The following GRIK4 variants were observed in gnomAD, a reference collection of about 807,000 sequenced individuals.
GRIK4 encodes the protein glutamate ionotropic receptor kainate type subunit 4.
In GRIK4, 40 loss-of-function variants were observed where a neutral mutation model predicts 104.9. The ratio of observed to expected loss-of-function variants is 0.38; its 90% CI spans 0.30 to 0.50. GRIK4 has a LOEUF of 0.50. Ranked by LOEUF, GRIK4 falls within the 20% of genes least tolerant of loss-of-function variation. GRIK4 has a pLI of 0.93. For missense variants in GRIK4, 1,047 were observed against 1,308.1 expected, an observed-to-expected ratio of 0.80 and a Z score of 3.08; for synonymous variants, 485 against 524.9, an observed-to-expected ratio of 0.92 and a Z score of 1.04.
chr11:120,974,338 A>G (rs1944526293), intron 19 of GRIK4, among the ~76,000 whole-genome samples: 1 of 152,182 alleles, frequency 6.6e-6, no homozygotes, highest in Admixed American at 6.5e-5. Flanking sequence ...TAGAATTTGA[A>G]TCAGTTGGCT....
intron 11 of GRIK4, among the ~76,000 whole-genome samples, chr11:120,895,824 T>G (rs764601713): frequency 6.6e-6 from 1 of 152,122 alleles, no homozygotes; most frequent in African/African-American, 2.4e-5. Context: ...ATCTAACACA[T>G]CAGGTGTCCA....
At chr11:120,564,202 C>T (rs1948277298) in intron 1 of GRIK4, among the ~76,000 whole-genome samples, 1 of 152,224 alleles carries the variant, frequency 6.6e-6, no homozygotes, top group Non-Finnish European at 1.5e-5. Context: ...TGGCAACTCG[C>T]CCCGCTCAGA....
In GRIK4 at chr11:120,940,662, G is replaced by A. The variant is rs1226203122; in HGVS notation, c.1590+202G>A. Among the ~76,000 whole-genome samples the A allele has an allele frequency of 6.6e-6, 1 of 152,198 alleles. No homozygotes were observed. The highest frequency in any genetic ancestry group is 1.5e-5 in the Non-Finnish European group (1 of 68,038). ...AAAAGTCATGCTTGTGGGCTTTCCAGTAAAAATTACTTCTGCCTCTCTGAA... is the reference window on the plus strand; with the variant it reads ...AAAAGTCATGCTTGTGGGCTTTCCAATAAAAATTACTTCTGCCTCTCTGAA... On this transcript the variant is annotated intron_variant, in intron 14 of 20. Coordinates refer to ENST00000527524, the MANE Select transcript of GRIK4 (RefSeq NM_014619.5). The surrounding 1 kb of genome is among the most constrained non-coding windows in gnomAD (Gnocchi z 4.3).
At chr11:120,818,663 TA>T (rs1953024412) in intron 5 of GRIK4, among the ~76,000 whole-genome samples, 1 of 152,206 alleles carries the variant, frequency 6.6e-6, no homozygotes, top group African/African-American at 2.4e-5. Context: ...AAGGATAAAG[TA>T]GGAGACTCCT....
chr11:120,891,640 T>A (rs553706906), intron 11 of GRIK4, among the ~76,000 whole-genome samples: 33 of 152,338 alleles, frequency 2.2e-4, no homozygotes, highest in African/African-American at 7.9e-4. Context: ...TGTGCCAGGC[T>A]CTAGGGATAA....
At chr11:120,821,937 C>T (rs971740280) in intron 6 of GRIK4, among the ~76,000 whole-genome samples, 1 of 152,092 alleles carries the variant, frequency 6.6e-6, no homozygotes, top group Admixed American at 6.5e-5. Context: ...AAAATCGGTG[C>T]GGTGGCTCAC....
At chr11:120,835,574 A>T (rs1953554668) in intron 7 of GRIK4, among the ~76,000 whole-genome samples, 1 of 152,150 alleles carries the variant, frequency 6.6e-6, no homozygotes, top group African/African-American at 2.4e-5. Context: ...AAATTATTTG[A>T]GTTCCTTGGG....
intron 3 of GRIK4, among the ~76,000 whole-genome samples, chr11:120,759,808 A>G (rs768694028): frequency 1.3e-5 from 2 of 152,076 alleles, no homozygotes; most frequent in Non-Finnish European, 2.9e-5. Context: ...GGTCTCTGTT[A>G]TGACTTCTTT....
intron 11 of GRIK4, among the ~76,000 whole-genome samples, chr11:120,897,174 T>G (rs576999275): frequency 6.6e-6 from 1 of 151,522 alleles, no homozygotes; most frequent in East Asian, 1.9e-4. Context: ...AAAGGAGACA[T>G]CCGTTGGGAA....
intron 8 of GRIK4, among the ~76,000 whole-genome samples, chr11:120,841,684 C>T (rs1434544414): frequency 6.6e-6 from 1 of 152,146 alleles, no homozygotes; most frequent in Non-Finnish European, 1.5e-5. Flanking sequence ...TATTGAGAAA[C>T]CACCGAACAT....
intron 1 of GRIK4, among the ~76,000 whole-genome samples, chr11:120,595,253 A>G (rs1035483848): frequency 6.6e-6 from 1 of 152,124 alleles, no homozygotes; most frequent in African/African-American, 2.4e-5. Flanking sequence ...CTCTGTTTGG[A>G]GCACTCTTCG....
At chr11:120,536,424 G>T (rs936228985) in intron 1 of GRIK4, among the ~76,000 whole-genome samples, 1 of 152,216 alleles carries the variant, frequency 6.6e-6, no homozygotes, top group Non-Finnish European at 1.5e-5. Flanking sequence ...TACAGAAAAG[G>T]TGAAAAGCTG....
At chr11:120,889,589 ATTTT>A (rs369264259) in intron 11 of GRIK4, among the ~76,000 whole-genome samples, 1,476 of 62,310 alleles carry the variant, frequency 0.024, 19 homozygotes, top group African/African-American at 0.082. Context: ...AAGAGCTTAC[ATTTT>A]TTTTTTTTTT....
rs192754874 is a variant in GRIK4, at chr11:120,783,085, C to T, written c.83-19608C>T. On this transcript the variant is annotated intron_variant, in intron 3 of 20. Transcript: ENST00000527524. Reference sequence around the variant, plus strand: ...TTGAAAAGAGACACATTCAAACCGTCGCCCTAGCGATGCTGCTGAACTCCC... The same window carrying T: ...TTGAAAAGAGACACATTCAAACCGTTGCCCTAGCGATGCTGCTGAACTCCC... 1.7e-3 allele frequency among the ~76,000 whole-genome samples: 262 copies of T among 152,340 alleles called. 2 individuals carry two copies. The highest frequency in any genetic ancestry group is 0.014 in the Middle Eastern group (4 of 294).
At chr11:120,563,469 T>G (rs1471086683) in intron 1 of GRIK4, among the ~76,000 whole-genome samples, 4 of 152,150 alleles carry the variant, frequency 2.6e-5, no homozygotes, top group African/African-American at 9.7e-5. Flanking sequence ...GACAGCAGCC[T>G]TAACTTTCTG....
intron 4 of GRIK4, among the ~76,000 whole-genome samples, chr11:120,810,110 A>G (rs1354758599): frequency 6.6e-6 from 1 of 152,190 alleles, no homozygotes; most frequent in Non-Finnish European, 1.5e-5. Flanking sequence ...TGCATGTACC[A>G]TATGTAAAGT....
chr11:120,635,023 G>A (rs1277831993), intron 1 of GRIK4, among the ~76,000 whole-genome samples: 1 of 152,188 alleles, frequency 6.6e-6, no homozygotes, highest in Non-Finnish European at 1.5e-5. Context: ...ACCTTGAGCA[G>A]CTATGGGGCT....
intron 3 of GRIK4, among the ~76,000 whole-genome samples, chr11:120,782,788 G>A (rs1408071307): frequency 1.3e-5 from 2 of 152,180 alleles, no homozygotes; most frequent in Admixed American, 6.5e-5. Context: ...CACGCCGGTG[G>A]TTCTAAGCTG....
chr11:120,944,139 ACTCT>A (rs1487471875), intron 14 of GRIK4, among the ~76,000 whole-genome samples: 1 of 147,018 alleles, frequency 6.8e-6, no homozygotes, highest in Non-Finnish European at 1.5e-5. Flanking sequence ...TTTAAAAGTC[ACTCT>A]CTCTCTGTCT....
Sources: gnomAD v4.1 joint callset for allele counts (sites outside exome capture counted in the v4.1 genomes callset) on GRCh38, gnomAD v4.1.1 for gene constraint, Gnocchi (gnomAD v3.1) non-coding constraint, MANE v1.5 for transcripts, NCBI Gene and HGNC (gene_info 2026-07-23, HGNC 2026-07-21) for gene names.